Variants in RBFOX1 observed in about 807,000 individuals in gnomAD.
RBFOX1 encodes the protein RNA binding protein fox-1 homolog 1.
RBFOX1 carries 8 observed loss-of-function variants against 57.7 expected under a neutral mutation model. That is an observed-to-expected ratio of 0.14 (90% CI 0.08 to 0.25). The LOEUF (loss-of-function observed/expected upper bound fraction) is 0.25, where lower values mean the gene tolerates loss of function less well. Ranked by LOEUF, RBFOX1 falls within the 10% of genes least tolerant of loss-of-function variation. The probability of loss-of-function intolerance (pLI) is 1.00; values close to 1 mark genes in which losing one functional copy is unlikely to be tolerated. For synonymous variants in RBFOX1, 326 were observed against 222.4 expected (o/e 1.47, Z -4.15); for missense variants, 611 against 548.5 (o/e 1.11, Z -1.14).
chr16:7,091,050 C>T (rs781084904), intron 4 of RBFOX1, among the ~76,000 whole-genome samples: 1 of 152,210 alleles, frequency 6.6e-6, no homozygotes, highest in South Asian at 2.1e-4. Context: ...TCCTCTGCCA[C>T]TCAAGTCTTG....
chr16:6,987,472 C>CACAT (rs1235638030), intron 3 of RBFOX1, among the ~76,000 whole-genome samples: 5 of 113,734 alleles, frequency 4.4e-5, no homozygotes, highest in African/African-American at 2.0e-4. Flanking sequence ...CACACACACA[C>CACAT]ACACACACAC....
At chr16:7,447,907 G>T (rs1314758083) in intron 4 of RBFOX1, among the ~76,000 whole-genome samples, 3 of 152,212 alleles carry the variant, frequency 2.0e-5, no homozygotes, top group Non-Finnish European at 4.4e-5. Flanking sequence ...GAGGGGAGGG[G>T]CCAACAGGCA....
intron 4 of RBFOX1, among the ~76,000 whole-genome samples, chr16:7,349,980 C>T (rs894957726): frequency 3.3e-5 from 5 of 152,102 alleles, no homozygotes; most frequent in African/African-American, 1.2e-4. Context: ...AACCTCATTT[C>T]TACTGAAACA....
chr16:6,002,308 G>C (rs1416181494), intron 4 of RBFOX1, among the ~76,000 whole-genome samples: 1 of 152,124 alleles, frequency 6.6e-6, no homozygotes, highest in African/African-American at 2.4e-5. Context: ...TGTCTCTTTT[G>C]TCCTAGATTA....
intron 3 of RBFOX1, among the ~76,000 whole-genome samples, chr16:6,894,014 T>C (rs34221770): frequency 0.17 from 25,899 of 152,122 alleles, 2,369 homozygotes; most frequent in South Asian, 0.3. Context: ...TCTTCTAATA[T>C]CCCAAAGACA....
intron 4 of RBFOX1, among the ~76,000 whole-genome samples, chr16:7,516,616 T>C (rs992660632): frequency 2.6e-5 from 4 of 152,164 alleles, no homozygotes; most frequent in African/African-American, 9.6e-5. Context: ...GGGAAAATGT[T>C]AGAAAGAGAA....
At chr16:6,714,591 G>A (rs1313428148) in intron 3 of RBFOX1, among the ~76,000 whole-genome samples, 2 of 152,116 alleles carry the variant, frequency 1.3e-5, no homozygotes, top group African/African-American at 4.8e-5. Context: ...GCACAGGTAG[G>A]AAATGTGATT....
chr16:7,086,960 A>T (rs1208520120), intron 4 of RBFOX1, among the ~76,000 whole-genome samples: 1 of 152,088 alleles, frequency 6.6e-6, no homozygotes, highest in Non-Finnish European at 1.5e-5. Flanking sequence ...ACCCTGGCTG[A>T]GAGCCCTGCA....
At chr16:7,198,387 G>A (rs1486883506) in intron 4 of RBFOX1, among the ~76,000 whole-genome samples, 1 of 152,174 alleles carries the variant, frequency 6.6e-6, no homozygotes, top group African/African-American at 2.4e-5. Context: ...CATTGTGAAT[G>A]TACTAAATGC....
At chr16:7,661,419 G>A (rs1389508046) in intron 12 of RBFOX1, among the ~76,000 whole-genome samples, 5 of 152,102 alleles carry the variant, frequency 3.3e-5, no homozygotes, top group Non-Finnish European at 5.9e-5. Flanking sequence ...TTGCCTTGCA[G>A]TACCCTCACC....
At chr16:5,243,487 G>C (rs1207133897) in intron 1 of RBFOX1, among the ~76,000 whole-genome samples, 1 of 152,156 alleles carries the variant, frequency 6.6e-6, no homozygotes, top group Non-Finnish European at 1.5e-5. Context: ...CTTGGGGTGA[G>C]ACCATTCGTG....
chr16:6,748,592 G>A (rs545874844), intron 3 of RBFOX1, among the ~76,000 whole-genome samples: 7 of 152,130 alleles, frequency 4.6e-5, no homozygotes, highest in Admixed American at 2.6e-4. Context: ...CCAGAAGTTC[G>A]AGGCTGTTGT....
At chr16:5,700,850 C>CAT (rs759404041) in intron 3 of RBFOX1, among the ~76,000 whole-genome samples, 2 of 152,182 alleles carry the variant, frequency 1.3e-5, no homozygotes, top group Non-Finnish European at 2.9e-5. Flanking sequence ...GTGAACCAGT[C>CAT]ATAGGCTGGC....
chr16:7,366,735 G>A (rs541187973), intron 4 of RBFOX1, among the ~76,000 whole-genome samples: 14 of 152,034 alleles, frequency 9.2e-5, no homozygotes, highest in Admixed American at 8.5e-4. Flanking sequence ...AATTATGGCA[G>A]CTACAAAGCC....
chr16:6,139,708 C>G (rs150638625), intron 1 of RBFOX1, among the ~76,000 whole-genome samples: 5 of 152,298 alleles, frequency 3.3e-5, no homozygotes, highest in African/African-American at 1.2e-4. Context: ...TAGCCTCTTT[C>G]TTGCTCTCTT....
chr16:7,606,523 C>T (rs1000543288), intron 9 of RBFOX1, among the ~76,000 whole-genome samples: 1 of 152,176 alleles, frequency 6.6e-6, no homozygotes, highest in African/African-American at 2.4e-5. Context: ...AAATAATGCC[C>T]AGCATATATG....
At chr16:7,327,184 A>T (rs899596730) in intron 4 of RBFOX1, among the ~76,000 whole-genome samples, 1 of 152,188 alleles carries the variant, frequency 6.6e-6, no homozygotes, top group African/African-American at 2.4e-5. Flanking sequence ...TAGGCCAACA[A>T]GATTGATCTA....
intron 3 of RBFOX1, among the ~76,000 whole-genome samples, chr16:5,729,992 A>G (rs79842207): frequency 0.012 from 1,871 of 152,298 alleles, 48 homozygotes; most frequent in African/African-American, 0.042. Flanking sequence ...CCTCTGGTCC[A>G]TGCCCGCAAA....
At chr16:7,017,114 C>G (rs2093955128) in intron 3 of RBFOX1, among the ~76,000 whole-genome samples, 3 of 151,970 alleles carry the variant, frequency 2.0e-5, no homozygotes, top group Non-Finnish European at 4.4e-5. Flanking sequence ...GGTGGCAACC[C>G]TGTTCTCTCT....
Sources: allele counts gnomAD v4.1 joint callset (sites outside exome capture counted in the v4.1 genomes callset), GRCh38; gene constraint gnomAD v4.1.1; transcripts MANE v1.5; gene names NCBI Gene and HGNC (gene_info 2026-07-23, HGNC 2026-07-21).